The following CUX1 variants were observed in gnomAD, a reference collection of about 807,000 sequenced individuals.
The protein encoded by CUX1 is protein CASP.
A neutral mutation model predicts 158.8 loss-of-function variants in CUX1; 31 were observed. That is an observed-to-expected ratio of 0.20 (90% CI 0.15 to 0.26). The LOEUF is 0.26. CUX1 is among the 10% of genes least tolerant of loss of function. The probability of loss-of-function intolerance (pLI) is 1.00; values close to 1 mark genes in which losing one functional copy is unlikely to be tolerated. For synonymous variants in CUX1, 879 were observed against 862.1 expected (o/e 1.02, Z -0.34); for missense variants, 1,589 against 2,014.6 (o/e 0.79, Z 4.04).
chr7:102,079,498 C>A (rs1302627627), intron 4 of CUX1, among the ~76,000 whole-genome samples: 1 of 151,888 alleles, frequency 6.6e-6, no homozygotes, highest in Admixed American at 6.6e-5. Context: ...GTTTTCATGC[C>A]AAGAAGTTCA....
intron 8 of CUX1, among the ~76,000 whole-genome samples, chr7:102,136,139 C>T (rs1256698592): frequency 1.3e-5 from 2 of 151,894 alleles, no homozygotes; most frequent in African/African-American, 2.4e-5. Context: ...ATGATTTCTT[C>T]CCCCAACATA....
chr7:102,070,211 G>T, intron 3 of CUX1, 128 bp from the exon 4 acceptor site: 2 of 727,868 alleles, frequency 2.7e-6, no homozygotes, highest in Non-Finnish European at 4.5e-6. Flanking sequence ...TCCTCTAAGA[G>T]GCTGAAGCCC....
At chr7:102,115,141 T>C in intron 7 of CUX1, 66 bp from the exon 8 acceptor site, 3 of 1,351,334 alleles carry the variant, frequency 2.2e-6, no homozygotes, top group Non-Finnish European at 3.1e-6. Flanking sequence ...GAAATGGGAA[T>C]AGATTACCTG....
chr7:102,078,447 G>T (rs970838926), intron 4 of CUX1, among the ~76,000 whole-genome samples: 1 of 152,132 alleles, frequency 6.6e-6, no homozygotes. Context: ...TCTGTGCTTT[G>T]GTTGCAAAGT....
intron 11 of CUX1, among the ~76,000 whole-genome samples, chr7:102,182,279 A>G (rs1793181470): frequency 6.6e-6 from 1 of 152,202 alleles, no homozygotes; most frequent in African/African-American, 2.4e-5. Context: ...CAGAAGGCTT[A>G]TTGGGCAGAA....
chr7:102,208,535 C>G (rs1190486764), intron 20 of CUX1, among the ~76,000 whole-genome samples: 1 of 152,186 alleles, frequency 6.6e-6, no homozygotes, highest in Non-Finnish European at 1.5e-5. Flanking sequence ...GCCACCGTGC[C>G]CCACCTAGTA....
intron 1 of CUX1, among the ~76,000 whole-genome samples, chr7:101,826,882 T>G (rs998594114): frequency 6.6e-6 from 1 of 152,324 alleles, no homozygotes; most frequent in South Asian, 2.1e-4. Flanking sequence ...ACTCTCTGCC[T>G]TGTGTGTCCG....
Position 102,264,358 on chromosome 7 carries a change from G to A in CUX1, c.1256-9008G>A, listed in dbSNP as rs1321536660. Among the ~76,000 whole-genome samples, 3 of 152,188 alleles carry A rather than the reference G, an allele frequency of 2.0e-5. No individual in the cohort carries two copies. The East Asian group carries it at 5.8e-4, about 29-fold the overall frequency. On this transcript the variant is annotated intron_variant, in intron 14 of 22. Coordinates refer to the CUX1 transcript ENST00000292538. ...CAGAGCTGAGGGAACGAGCCCTGCA[G>A]ATGTGAGAAGGAAGGACGTTCTAGG... is the stretch of plus-strand genomic sequence containing the variant.
Position 102,123,294 on chromosome 7 carries a change from T to C in CUX1, c.674+8021T>C, listed in dbSNP as rs183865282. The stretch of plus-strand genomic sequence containing the variant: ...ATGTATATAAACATGTTTGTGAATA[T>C]AAACATGCAATCAGTTTTTAAAAAA... On this transcript the variant is annotated intron_variant, in intron 8 of 23. Transcript: ENST00000292535. Among the ~76,000 whole-genome samples, 1,027 of 151,654 alleles carry C rather than the reference T, an allele frequency of 6.8e-3. 4 individuals carry two copies. The highest frequency in any genetic ancestry group is 0.011 in the Non-Finnish European group (780 of 67,926).
intron 11 of CUX1, among the ~76,000 whole-genome samples, chr7:102,188,280 A>G (rs2131879927): frequency 6.6e-6 from 1 of 152,216 alleles, no homozygotes; most frequent in African/African-American, 2.4e-5. Flanking sequence ...CGGAAATGAC[A>G]ATTGTTCACC....
chr7:101,939,189 A>G (rs939185508), intron 2 of CUX1, among the ~76,000 whole-genome samples: 3 of 146,084 alleles, frequency 2.1e-5, no homozygotes, highest in Non-Finnish European at 3.0e-5. Flanking sequence ...AGCCCATGGT[A>G]ACCACTTATC....
At chr7:101,995,431 C>T (rs1815723904) in intron 2 of CUX1, among the ~76,000 whole-genome samples, 1 of 152,192 alleles carries the variant, frequency 6.6e-6, no homozygotes, top group African/African-American at 2.4e-5. Context: ...ACCCTCTCAC[C>T]CTGCATGGCT....
intron 8 of CUX1, among the ~76,000 whole-genome samples, chr7:102,119,050 T>C (rs1226565219): frequency 6.6e-6 from 1 of 152,134 alleles, no homozygotes; most frequent in Non-Finnish European, 1.5e-5. Context: ...GCACCCAGCA[T>C]GCTAGGTGGT....
chr7:102,221,847 A>C (rs1336559341), intron 20 of CUX1, among the ~76,000 whole-genome samples: 1 of 152,086 alleles, frequency 6.6e-6, no homozygotes, highest in Non-Finnish European at 1.5e-5. Context: ...TGGGGCTTTT[A>C]AAATATGCAA....
chr7:101,834,685 A>G (rs1004666287), intron 1 of CUX1, among the ~76,000 whole-genome samples: 1 of 152,050 alleles, frequency 6.6e-6, no homozygotes, highest in Non-Finnish European at 1.5e-5. Flanking sequence ...TTTTAAAGCT[A>G]AAATTCATAT....
chr7:101,961,271 C>A (rs1810456280), intron 2 of CUX1: 2 of 151,938 alleles, frequency 1.3e-5, no homozygotes, highest in African/African-American at 4.8e-5. Flanking sequence ...CCTTGGCTTT[C>A]TCTGTAAAGT....
At chr7:101,847,770 T>C (rs943553958) in intron 1 of CUX1, among the ~76,000 whole-genome samples, 2 of 151,500 alleles carry the variant, frequency 1.3e-5, no homozygotes, top group African/African-American at 4.8e-5. Context: ...AGCTCACCCA[T>C]AGAAACTGCT....
intron 3 of CUX1, among the ~76,000 whole-genome samples, chr7:102,045,365 G>A (rs1413163908): frequency 6.6e-6 from 1 of 152,214 alleles, no homozygotes; most frequent in Non-Finnish European, 1.5e-5. Flanking sequence ...CTGTGGAAAG[G>A]GGCGCTCTCA....
chr7:102,033,477 A>G (rs1473500972), intron 3 of CUX1, among the ~76,000 whole-genome samples: 1 of 152,208 alleles, frequency 6.6e-6, no homozygotes, highest in African/African-American at 2.4e-5. Context: ...CATCAAGACA[A>G]AAAATGTTAG....
Sources: allele counts gnomAD v4.1 joint callset (sites outside exome capture counted in the v4.1 genomes callset), GRCh38; gene constraint gnomAD v4.1.1; transcripts MANE v1.5; gene names NCBI Gene and HGNC (gene_info 2026-07-23, HGNC 2026-07-21).